TARBP2: variants seen among roughly 807,000 people sequenced by gnomAD.
TARBP2 encodes RISC-loading complex subunit TARBP2.
Under a neutral mutation model 40.4 loss-of-function variants are expected in TARBP2, and 23 were observed. That is an observed-to-expected ratio of 0.57 (90% CI 0.41 to 0.81). The LOEUF is 0.81. Among genes scored for constraint, TARBP2 ranks in the 30% least tolerant of loss-of-function variants. The pLI, the probability that TARBP2 is intolerant of heterozygous loss-of-function variation, is 0.00. For missense variants in TARBP2, 358 were observed against 473.7 expected (o/e 0.76, Z 2.27); for synonymous variants, 183 against 190.5 (o/e 0.96, Z 0.32).
At chr12:53,501,514 A>C in intron 1 of TARBP2, 53 bp downstream of exon 1, 1 of 1,550,774 alleles carries the variant, frequency 6.4e-7, no homozygotes, top group South Asian at 1.2e-5. Flanking sequence ...GGCCGTGCGG[A>C]GGGAGTAGCG....
rs370797559 is a variant in TARBP2, at chr12:53,505,193, A to G, written c.672A>G (p.Arg224=). 1.3e-5 allele frequency: 21 copies of G among 1,611,738 alleles called. No homozygotes were observed. The highest frequency in any genetic ancestry group is 1.8e-5 in the Non-Finnish European group (21 of 1,178,104). ...KRNAAAKMLL[R]VHTVPLDARD... is the part of the protein sequence containing the mutation. ...ATGCGGCGGCCAAAATGCTGCTTCGAGTGCACACGGTGCCTCTGGATGCCC... is the reference window on the plus strand; with the variant it reads ...ATGCGGCGGCCAAAATGCTGCTTCGGGTGCACACGGTGCCTCTGGATGCCC... The change falls in exon 7 of 9, where the codon CGA becomes CGG. Residue 224 remains arginine (R), a synonymous_variant. Coordinates refer to ENST00000266987, the MANE Select transcript of TARBP2 (RefSeq NM_134323.2). This position sits in a 1 kb window ranked among gnomAD's most constrained non-coding sequence, Gnocchi z 4.5.
Position 53,504,485 on chromosome 12 carries a change from A to C in TARBP2, c.495+16A>C. On this transcript the variant is annotated intron_variant, in intron 5 of 8. Coordinates refer to ENST00000266987, the MANE Select transcript of TARBP2 (RefSeq NM_134323.2). ...TGCTCTGCAGGTGTGTCCCATCCTC[A>C]TTTCCCATGCATGCCTGTCTTCCCT... 6.2e-7 allele frequency: 1 copy of C among 1,612,332 alleles called. No homozygotes were observed. Among genetic ancestry groups the C allele is most frequent in the Non-Finnish European group, 8.5e-7 (1 of 1,179,200 alleles).
rs1943794635 is a variant in TARBP2 at position 53,503,140 on chromosome 12, A to G, written c.326+11A>G. The G allele has an allele frequency of 1.3e-6, 2 of 1,543,658 alleles. No homozygotes were observed. The highest frequency in any genetic ancestry group is 1.8e-6 in the Non-Finnish European group (2 of 1,142,452). On this transcript the variant is annotated intron_variant, in intron 3 of 8. Transcript: ENST00000266987. The stretch of plus-strand genomic sequence containing the variant: ...CCTGGAGGACAGCAGGTGAGGGAGG[A>G]ACCGAGGCATCCCAGAAGCCCTTCA...
Position 53,506,247 on chromosome 12 carries a change from A to G in TARBP2, c.*99A>G. On this transcript the variant is annotated 3_prime_UTR_variant, in exon 9 of 9. Transcript: ENST00000266987. ...AGCTCTGGTACCCTCTGTGGGTGCC[A>G]TCTCTACCTCTGACACAGACTGCCT... 1 of 1,432,032 alleles carries G rather than the reference A, an allele frequency of 7.0e-7. No homozygotes were observed. Among genetic ancestry groups the G allele is most frequent in the Non-Finnish European group, 9.4e-7 (1 of 1,069,176 alleles). The allele number at this position is 1,432,032 out of a possible 1,614,324, so 88.7% of individuals were successfully genotyped here.
intron 4 of TARBP2, 68 bp from the exon 5 acceptor site, chr12:53,504,329 T>G: frequency 1.4e-6 from 2 of 1,422,238 alleles, no homozygotes; most frequent in East Asian, 2.3e-5. Context: ...GTGGTTAGGT[T>G]TGGAGCTCAT....
At position 53,506,105 on chromosome 12, in the gene TARBP2, G is replaced by A. The variant is rs573462744; in HGVS notation, c.1058G>A (p.Arg353His). 1.5e-5 allele frequency: 24 copies of A among 1,613,836 alleles called. No individual in the cohort carries two copies. The highest frequency in any genetic ancestry group is 1.3e-4 in the East Asian group (6 of 44,892). ...TREAARGEAA[R>H]RALQYLKIMA... is the part of the protein sequence containing the mutation. ...GAGGCAGCCCGTGGTGAGGCTGCCCGCCGTGCCCTGCAGTACCTCAAGATC... is the reference window on the plus strand; with the variant it reads ...GAGGCAGCCCGTGGTGAGGCTGCCCACCGTGCCCTGCAGTACCTCAAGATC... Residue 353 changes from arginine to histidine, a missense_variant, in exon 9 of 9, where the codon CGC (arginine) becomes CAC (histidine). Arg to His is a conservative substitution (Grantham distance 29). Coordinates refer to ENST00000266987, the MANE Select transcript of TARBP2 (RefSeq NM_134323.2).
Position 53,505,620 on chromosome 12 carries a change from C to T in TARBP2, c.742-29C>T. 1 of 1,603,000 alleles carries T rather than the reference C, an allele frequency of 6.2e-7. No homozygotes were observed. Among genetic ancestry groups the T allele is most frequent in the Non-Finnish European group, 8.5e-7 (1 of 1,170,154 alleles). Reference sequence around the variant, plus strand: ...GCCTGGGTCCCACAGTCTCTCGCTTCATCTTTCTCACTGTTCCCATCTTGA... The same window carrying T: ...GCCTGGGTCCCACAGTCTCTCGCTTTATCTTTCTCACTGTTCCCATCTTGA... On this transcript the variant is annotated intron_variant, in intron 7 of 8. Coordinates refer to ENST00000266987, the MANE Select transcript of TARBP2 (RefSeq NM_134323.2). The surrounding 1 kb of genome is among the most constrained non-coding windows in gnomAD (Gnocchi z 4.5).
At position 53,505,250 on chromosome 12, in the gene TARBP2, C is replaced by A; in HGVS notation, c.729C>A (p.Asp243Glu). The A allele has an allele frequency of 6.3e-7, 1 of 1,598,854 alleles. No individual in the cohort carries two copies. Among genetic ancestry groups the A allele is most frequent in the Non-Finnish European group, 8.6e-7 (1 of 1,168,142 alleles). ...GCAATGAGGTGGAGCCTGATGATGA[C>A]CACTTCTCCATTGTGAGTGGCTCAT... ...RDGNEVEPDD[D>E]HFSIGVGSRL... Residue 243 changes from aspartate to glutamate, a missense_variant, in exon 7 of 9, where the codon GAC becomes GAA. Coordinates refer to ENST00000266987, the MANE Select transcript of TARBP2 (RefSeq NM_134323.2). This position sits in a 1 kb window ranked among gnomAD's most constrained non-coding sequence, Gnocchi z 4.5.
At chr12:53,502,435 A>G (rs1159394548) in intron 2 of TARBP2, 38 of 510,382 alleles carry the variant, frequency 7.4e-5, no homozygotes, top group Non-Finnish European at 1.2e-4. Context: ...GAGGAAAAGT[A>G]AGAGAAGATA....
chr12:53,503,112 G>A lies in TARBP2; in HGVS notation c.309G>A (p.Pro103=), dbSNP rs1206092363. The change falls in exon 3 of 9, where the codon CCG becomes CCA. Residue 103 remains proline (P), a synonymous_variant. Transcript: ENST00000266987. ...TCAAAGGGGGGAGCATGCTGGAGCCGGCCCTGGAGGACAGCAGGTGAGGGA... is the reference window on the plus strand; with the variant it reads ...TCAAAGGGGGGAGCATGCTGGAGCCAGCCCTGGAGGACAGCAGGTGAGGGA... The part of the protein sequence containing the change: ...KHLKGGSMLE[P]ALEDSSSFSP... 11 of 1,549,598 alleles carry A rather than the reference G, an allele frequency of 7.1e-6. No homozygotes were observed. Among genetic ancestry groups the A allele is most frequent in the Non-Finnish European group, 6.1e-6 (7 of 1,146,020 alleles).
chr12:53,502,884 A>G, intron 2 of TARBP2, 143 bp from the exon 3 acceptor site: 2 of 742,884 alleles, frequency 2.7e-6, no homozygotes, highest in Non-Finnish European at 4.1e-6. Flanking sequence ...AATTAGTGAA[A>G]CACTTCCAGT....
rs760680867 is a variant in TARBP2 at position 53,502,012 on chromosome 12, C to T, written c.54-3C>T. The T allele has an allele frequency of 4.3e-6, 7 of 1,613,974 alleles. No homozygotes were observed. The highest frequency in any genetic ancestry group is 5.9e-6 in the Non-Finnish European group (7 of 1,179,982). ...TGATGTGGGTCTGTGCCCCTTCCCC[C>T]AGTATAGAGCAAATGCTGGCCGCCA... On this transcript the variant is annotated splice_region_variant and splice_polypyrimidine_tract_variant and intron_variant, in intron 1 of 8. Coordinates refer to ENST00000266987, the MANE Select transcript of TARBP2 (RefSeq NM_134323.2).
At position 53,505,281 on chromosome 12, in the gene TARBP2, C is replaced by T; in HGVS notation, c.741+19C>T. ...CTCCATTGTGAGTGGCTCATGTGGG[C>T]CGGGCACCGTGGCCCATCCTCCATG... On this transcript the variant is annotated intron_variant, in intron 7 of 8. Coordinates refer to ENST00000266987, the MANE Select transcript of TARBP2 (RefSeq NM_134323.2). The surrounding 1 kb of genome is among the most constrained non-coding windows in gnomAD (Gnocchi z 4.5). The T allele has an allele frequency of 6.4e-7, 1 of 1,572,122 alleles. No individual in the cohort carries two copies. Among genetic ancestry groups the T allele is most frequent in the Non-Finnish European group, 8.7e-7 (1 of 1,151,700 alleles).
Position 53,505,472 on chromosome 12 carries a change from TC to T in TARBP2, c.742-174del, listed in dbSNP as rs1943932568. Among the ~76,000 whole-genome samples, 1 of 152,138 alleles carries T rather than the reference TC, an allele frequency of 6.6e-6. No homozygotes were observed. Among genetic ancestry groups the T allele is most frequent in the Admixed American group, 6.5e-5 (1 of 15,288 alleles). ...GCTCTGTTACTGGGGTGAGGAGGGATCCCTGGCCATCTGGCCCAGGGCCTGG... is the reference window on the plus strand; with the variant it reads ...GCTCTGTTACTGGGGTGAGGAGGGATCCTGGCCATCTGGCCCAGGGCCTGG... On this transcript the variant is annotated intron_variant, in intron 7 of 8. Coordinates refer to ENST00000266987, the MANE Select transcript of TARBP2 (RefSeq NM_134323.2). This position sits in a 1 kb window ranked among gnomAD's most constrained non-coding sequence, Gnocchi z 4.5.
At chr12:53,501,513 G>A (rs781406868) in intron 1 of TARBP2, 52 bp downstream of exon 1, 36 of 1,551,212 alleles carry the variant, frequency 2.3e-5, no homozygotes, top group Non-Finnish European at 3.1e-5. Context: ...GGGCCGTGCG[G>A]AGGGAGTAGC....
At position 53,505,794 on chromosome 12, in the gene TARBP2, G is replaced by T; in HGVS notation, c.887G>T (p.Arg296Leu). The change falls in exon 8 of 9, where the codon CGT becomes CTT. Residue 296 changes from arginine to leucine, a missense_variant. Physicochemically the swap from Arg to Leu is moderately radical, Grantham distance 102. Around this residue, in one of 3 missense-constraint regions of TARBP2, gnomAD observed 317 missense variants for 422.9 expected, o/e 0.75. Transcript: ENST00000266987. This position sits in a 1 kb window ranked among gnomAD's most constrained non-coding sequence, Gnocchi z 4.5. ...SLGALGPACC[R>L]VLSELSEEQA... is the part of the protein sequence containing the mutation. Reference sequence around the variant, plus strand: ...GGTGCCCTGGGCCCTGCCTGCTGCCGTGTCCTCAGTGAGCTCTCTGAGGAG... The same window carrying T: ...GGTGCCCTGGGCCCTGCCTGCTGCCTTGTCCTCAGTGAGCTCTCTGAGGAG... 1.9e-6 allele frequency: 3 copies of T among 1,614,014 alleles called. No individual in the cohort carries two copies. Among genetic ancestry groups the T allele is most frequent in the South Asian group, 2.2e-5 (2 of 91,074 alleles).
At position 53,505,213 on chromosome 12, in the gene TARBP2, A is replaced by T. The variant is rs1943916464; in HGVS notation, c.692A>T (p.Asp231Val). ...MLLRVHTVPLDARDGNEVEPD... is the reference protein window; with the variant it reads ...MLLRVHTVPLVARDGNEVEPD... ...CTTCGAGTGCACACGGTGCCTCTGGATGCCCGGGATGGCAATGAGGTGGAG... is the reference window on the plus strand; with the variant it reads ...CTTCGAGTGCACACGGTGCCTCTGGTTGCCCGGGATGGCAATGAGGTGGAG... Residue 231 changes from aspartate to valine, a missense_variant, in exon 7 of 9, where the codon GAT becomes GTT. Physicochemically the swap from Asp to Val is radical, Grantham distance 152. Coordinates refer to ENST00000266987, the MANE Select transcript of TARBP2 (RefSeq NM_134323.2). This position sits in a 1 kb window ranked among gnomAD's most constrained non-coding sequence, Gnocchi z 4.5. 1 of 1,610,228 alleles carries T rather than the reference A, an allele frequency of 6.2e-7. No homozygotes were observed. The highest frequency in any genetic ancestry group is 1.7e-5 in the Admixed American group (1 of 59,878).
rs1245267064 is a variant in TARBP2 at position 53,505,283 on chromosome 12, G to A, written c.741+21G>A. On this transcript the variant is annotated intron_variant, in intron 7 of 8. Coordinates refer to ENST00000266987, the MANE Select transcript of TARBP2 (RefSeq NM_134323.2). The surrounding 1 kb of genome is among the most constrained non-coding windows in gnomAD (Gnocchi z 4.5). ...CCATTGTGAGTGGCTCATGTGGGCC[G>A]GGCACCGTGGCCCATCCTCCATGCC... is the stretch of plus-strand genomic sequence containing the variant. 3.2e-6 allele frequency: 5 copies of A among 1,569,036 alleles called. No homozygotes were observed. The highest frequency in any genetic ancestry group is 1.8e-5 in the Admixed American group (1 of 56,910).
At chr12:53,502,324 T>G in intron 2 of TARBP2, 140 bp downstream of exon 2, 1 of 1,183,862 alleles carries the variant, frequency 8.4e-7, no homozygotes, top group South Asian at 1.5e-5. Flanking sequence ...AGCTACTGAC[T>G]GGATTGGGAG....
Sources: allele counts gnomAD v4.1 joint callset (sites outside exome capture counted in the v4.1 genomes callset), GRCh38; gene constraint gnomAD v4.1.1; regional missense constraint gnomAD v4.1.1; non-coding constraint Gnocchi (gnomAD v3.1); transcripts MANE v1.5; gene names NCBI Gene and HGNC (gene_info 2026-07-23, HGNC 2026-07-21).